The following SPTB variants were observed in gnomAD, a reference collection of about 807,000 sequenced individuals.
SPTB encodes the protein spectrin beta chain, erythrocytic.
SPTB carries 45 observed loss-of-function variants against 256.2 expected under a neutral mutation model. The ratio of observed to expected loss-of-function variants is 0.18; its 90% CI spans 0.14 to 0.23. SPTB has a LOEUF of 0.23. Among genes scored for constraint, SPTB ranks in the 10% least tolerant of loss-of-function variants. SPTB has a pLI of 1.00. For synonymous variants in SPTB, 1,231 were observed against 1,243.1 expected (o/e 0.99, Z 0.21); for missense variants, 2,715 against 3,040.4 (o/e 0.89, Z 2.52).
chr14:64,792,362 G>A lies in SPTB; in HGVS notation c.2667-506C>T, dbSNP rs1322993446. On this transcript the variant is annotated intron_variant, in intron 14 of 35. Transcript: ENST00000644917. This position sits in a 1 kb window ranked among gnomAD's most constrained non-coding sequence, Gnocchi z 4.2. The stretch of plus-strand genomic sequence containing the variant: ...GGGGGAATTTGTGGTTCTGAAGGCC[G>A]ATCCTTCTAGGGTAAGAGCCCAGGA... Among the ~76,000 whole-genome samples, 2 of 152,164 alleles carry A rather than the reference G, an allele frequency of 1.3e-5. No homozygotes were observed. Among genetic ancestry groups the A allele is most frequent in the South Asian group, 2.1e-4 (1 of 4,826 alleles).
rs912261667 is a variant in SPTB, at chr14:64,749,096, C to A, written c.*210G>T. The A allele has an allele frequency of 2.0e-5, 10 of 511,434 alleles. No homozygotes were observed. The highest frequency in any genetic ancestry group is 3.0e-5 in the Non-Finnish European group (9 of 296,902). 31.7% of individuals were successfully genotyped at this position (511,434 alleles called of 1,614,324 possible). A position where few individuals can be genotyped will look rare whatever the true frequency, so the allele number is the denominator to read the frequency against. ...GAGCTGGGAGCCCCTGTCCCTGGAG[C>A]GGAGCCAGCGCGGGCGAGGGCATGG... On this transcript the variant is annotated 3_prime_UTR_variant, in exon 36 of 36. Coordinates refer to ENST00000644917, the MANE Select transcript of SPTB (RefSeq NM_001355436.2). The surrounding 1 kb of genome is among the most constrained non-coding windows in gnomAD (Gnocchi z 4.7).
intron 2 of SPTB, among the ~76,000 whole-genome samples, chr14:64,808,708 T>C (rs2083032565): frequency 6.6e-6 from 1 of 152,132 alleles, no homozygotes; most frequent in African/African-American, 2.4e-5. Flanking sequence ...GAAACAATAC[T>C]CAAACCCACC....
At chr14:64,757,673 G>A (rs2139443252) in intron 32 of SPTB, 1 of 152,468 alleles carries the variant, frequency 6.6e-6, no homozygotes, top group Non-Finnish European at 1.5e-5. Context: ...AGGTGAGAAA[G>A]GTGAGGTGTA....
chr14:64,836,367 G>A (rs889672293), intron 1 of SPTB, among the ~76,000 whole-genome samples: 1 of 152,156 alleles, frequency 6.6e-6, no homozygotes, highest in Admixed American at 6.5e-5. Context: ...TAAAGCTGCT[G>A]CACAGATTAA....
At chr14:64,768,930 T>A (rs949514713) in intron 29 of SPTB, 104 bp downstream of exon 29, 4 of 969,772 alleles carry the variant, frequency 4.1e-6, no homozygotes, top group Admixed American at 3.4e-5. Flanking sequence ...GGGGGGCTCC[T>A]CTCTAGGCAG....
At chr14:64,869,306 T>C (rs1882376106) in intron 1 of SPTB, among the ~76,000 whole-genome samples, 1 of 152,246 alleles carries the variant, frequency 6.6e-6, no homozygotes, top group Non-Finnish European at 1.5e-5. Context: ...AGCATAACAA[T>C]GCCTTGTATC....
At chr14:64,813,836 T>C (rs2083137790) in intron 2 of SPTB, among the ~76,000 whole-genome samples, 1 of 152,196 alleles carries the variant, frequency 6.6e-6, no homozygotes, top group Non-Finnish European at 1.5e-5. Flanking sequence ...AAGTGAGCCA[T>C]ACTTTAACTG....
At chr14:64,874,143 C>T (rs1882692886) in intron 1 of SPTB, among the ~76,000 whole-genome samples, 1 of 152,206 alleles carries the variant, frequency 6.6e-6, no homozygotes, top group Non-Finnish European at 1.5e-5. Context: ...TGTGGAACTA[C>T]ACTTCATCCC....
At position 64,748,037 on chromosome 14, in the gene SPTB, T is replaced by C. The variant is rs1288613420; in HGVS notation, c.*1269A>G. The C allele has an allele frequency of 6.6e-6, 1 of 152,134 alleles. No homozygotes were observed. Among genetic ancestry groups the C allele is most frequent in the African/African-American group, 2.4e-5 (1 of 41,388 alleles). 9.4% of individuals were successfully genotyped at this position (152,134 alleles called of 1,614,324 possible). A position where few individuals can be genotyped will look rare whatever the true frequency, so the allele number is the denominator to read the frequency against. The stretch of plus-strand genomic sequence containing the variant: ...GGTAGATATTTGACCTCTGTACTCA[T>C]GTGACCCCCTCCCCGCCAAGACCTG... On this transcript the variant is annotated 3_prime_UTR_variant, in exon 36 of 36. Transcript: ENST00000644917.
rs2083327453 is a variant in SPTB at position 64,823,353 on chromosome 14, G to A, written c.-51-208C>T. 6.6e-6 allele frequency among the ~76,000 whole-genome samples: 1 copy of A among 152,214 alleles called. No homozygotes were observed. Among genetic ancestry groups the A allele is most frequent in the South Asian group, 2.1e-4 (1 of 4,832 alleles). On this transcript the variant is annotated intron_variant, in intron 1 of 35. Coordinates refer to ENST00000644917, the MANE Select transcript of SPTB (RefSeq NM_001355436.2). This position sits in a 1 kb window ranked among gnomAD's most constrained non-coding sequence, Gnocchi z 6.5. ...AGCAGCAGCAACAGTACCGGCAGCAGTGGCAGGGATGGAGAGCTGCACGTA... is the reference window on the plus strand; with the variant it reads ...AGCAGCAGCAACAGTACCGGCAGCAATGGCAGGGATGGAGAGCTGCACGTA...
chr14:64,834,180 C>T (rs1382995972), intron 1 of SPTB, among the ~76,000 whole-genome samples: 1 of 152,154 alleles, frequency 6.6e-6, no homozygotes, highest in Non-Finnish European at 1.5e-5. Flanking sequence ...GTGGATGCCA[C>T]CATTCCTGGC....
Position 64,823,207 on chromosome 14 carries a change from G to GAGAA in SPTB, c.-51-63_-51-62insTTCT. 1 of 1,337,758 alleles carries GAGAA rather than the reference G, an allele frequency of 7.5e-7. No homozygotes were observed. Among genetic ancestry groups the GAGAA allele is most frequent in the Non-Finnish European group, 1.1e-6 (1 of 942,084 alleles). The allele number at this position is 1,337,758 out of a possible 1,614,324, so 82.9% of individuals were successfully genotyped here. On this transcript the variant is annotated intron_variant, in intron 1 of 35. Transcript: ENST00000644917. The surrounding 1 kb of genome is among the most constrained non-coding windows in gnomAD (Gnocchi z 6.5). Reference sequence around the variant, plus strand: ...TACCCCCTCGGACTTTTTCTCCGGGGAAACTTATTCGGAGCATCCAACGTG... The same window carrying GAGAA: ...TACCCCCTCGGACTTTTTCTCCGGGGAGAAAAACTTATTCGGAGCATCCAACGTG...
At chr14:64,784,737 C>T (rs1336672845) in intron 18 of SPTB, among the ~76,000 whole-genome samples, 1 of 152,146 alleles carries the variant, frequency 6.6e-6, no homozygotes, top group African/African-American at 2.4e-5. Flanking sequence ...ATAAATCCGT[C>T]CTTTGGCCGT....
intron 1 of SPTB, among the ~76,000 whole-genome samples, chr14:64,835,435 G>A (rs420363): frequency 0.057 from 8,739 of 152,174 alleles, 903 homozygotes; most frequent in African/African-American, 0.2. Context: ...TAATAGAGAC[G>A]GGGTTTCACT....
intron 15 of SPTB, among the ~76,000 whole-genome samples, chr14:64,788,866 C>G (rs191817862): frequency 6.6e-6 from 1 of 152,338 alleles, no homozygotes; most frequent in Admixed American, 6.5e-5. Flanking sequence ...GGTCCTGGGC[C>G]AGGTTTTTCT....
In SPTB at chr14:64,799,953, A is replaced by C. The variant is rs1477492870; in HGVS notation, c.877-19T>G. On this transcript the variant is annotated intron_variant, in intron 8 of 35. Coordinates refer to ENST00000644917, the MANE Select transcript of SPTB (RefSeq NM_001355436.2). The stretch of plus-strand genomic sequence containing the variant: ...CAATAACCTAAGGAATCATCTTCTT[A>C]CTTATTCTCATCAGAAGGGCAATGC... The C allele has an allele frequency of 6.2e-7, 1 of 1,613,688 alleles. No individual in the cohort carries two copies. The highest frequency in any genetic ancestry group is 8.5e-7 in the Non-Finnish European group (1 of 1,179,912).
At chr14:64,843,815 C>G (rs1381944133) in intron 1 of SPTB, among the ~76,000 whole-genome samples, 4 of 152,182 alleles carry the variant, frequency 2.6e-5, no homozygotes, top group Non-Finnish European at 4.4e-5. Flanking sequence ...TAAGCATTAG[C>G]CCATGTGCCT....
intron 1 of SPTB, among the ~76,000 whole-genome samples, chr14:64,875,867 C>A (rs1306585427): frequency 6.6e-6 from 1 of 152,214 alleles, no homozygotes; most frequent in Non-Finnish European, 1.5e-5. Flanking sequence ...TTGATCTTCC[C>A]AAGTTCATTG....
chr14:64,821,438 C>T (rs184326647), intron 2 of SPTB, among the ~76,000 whole-genome samples: 19 of 152,262 alleles, frequency 1.2e-4, no homozygotes, highest in African/African-American at 3.9e-4. Flanking sequence ...AGAATCTCTG[C>T]ACAAAGGCCA....
Sources: allele counts gnomAD v4.1 joint callset (sites outside exome capture counted in the v4.1 genomes callset), GRCh38; gene constraint gnomAD v4.1.1; non-coding constraint Gnocchi (gnomAD v3.1); transcripts MANE v1.5; gene names NCBI Gene and HGNC (gene_info 2026-07-23, HGNC 2026-07-21).